CA10: variants seen among roughly 807,000 people sequenced by gnomAD.
The protein encoded by CA10 is carbonic anhydrase-related protein 10.
A neutral mutation model predicts 44.2 loss-of-function variants in CA10; 14 were observed. That is an observed-to-expected ratio of 0.32 (90% CI 0.21 to 0.50). The LOEUF is 0.50. Among genes scored for constraint, CA10 ranks in the 20% least tolerant of loss-of-function variants. CA10 has a pLI of 0.99. For synonymous variants in CA10, 159 were observed against 141.6 expected (o/e 1.12, Z -0.87); for missense variants, 350 against 409.7 (o/e 0.85, Z 1.26).
intron 3 of CA10, among the ~76,000 whole-genome samples, chr17:51,866,629 C>G (rs1315754780): frequency 1.3e-5 from 2 of 152,166 alleles, no homozygotes; most frequent in African/African-American, 2.4e-5. Flanking sequence ...AACTAACACT[C>G]AAGATACCCG....
chr17:51,869,120 A>G (rs1979691395), intron 3 of CA10, among the ~76,000 whole-genome samples: 1 of 152,154 alleles, frequency 6.6e-6, no homozygotes, highest in Non-Finnish European at 1.5e-5. Flanking sequence ...GGGAAAAGTC[A>G]AACTCCAATA....
At chr17:51,993,725 C>T (rs1285214112) in intron 2 of CA10, among the ~76,000 whole-genome samples, 1 of 152,052 alleles carries the variant, frequency 6.6e-6, no homozygotes, top group Non-Finnish European at 1.5e-5. Context: ...AATTTATACA[C>T]CTCCTCTTCT....
At chr17:51,696,966 A>T (rs1915423431) in intron 4 of CA10, among the ~76,000 whole-genome samples, 1 of 152,122 alleles carries the variant, frequency 6.6e-6, no homozygotes, top group Non-Finnish European at 1.5e-5. Context: ...ATGTATATAC[A>T]TCTGTGTCTA....
intron 3 of CA10, among the ~76,000 whole-genome samples, chr17:51,758,999 C>T (rs1313777034): frequency 6.6e-6 from 1 of 152,146 alleles, no homozygotes; most frequent in African/African-American, 2.4e-5. Context: ...AACAAGCAGG[C>T]CTAATCCGTA....
At chr17:51,645,880 C>T (rs2143254776) in intron 6 of CA10, among the ~76,000 whole-genome samples, 1 of 152,308 alleles carries the variant, frequency 6.6e-6, no homozygotes, top group East Asian at 1.9e-4. Flanking sequence ...GGCCATATGG[C>T]TTGCTTTGGC....
chr17:51,827,533 A>C (rs1398033834), intron 3 of CA10, among the ~76,000 whole-genome samples: 2 of 152,232 alleles, frequency 1.3e-5, no homozygotes, highest in Non-Finnish European at 2.9e-5. Flanking sequence ...ATCTCACAGA[A>C]CTAGAGCTTT....
chr17:52,002,600 C>T (rs1321438594), intron 2 of CA10, among the ~76,000 whole-genome samples: 2 of 151,968 alleles, frequency 1.3e-5, no homozygotes, highest in Non-Finnish European at 1.5e-5. Flanking sequence ...ACTATATCTA[C>T]ACTTATTTAT....
intron 3 of CA10, among the ~76,000 whole-genome samples, chr17:51,896,417 G>C (rs1051724188): frequency 6.6e-6 from 1 of 152,026 alleles, no homozygotes; most frequent in African/African-American, 2.4e-5. Context: ...CAAAGGACAT[G>C]ATCTCATTCC....
At chr17:51,701,272 TTCTG>T (rs1361721411) in intron 4 of CA10, among the ~76,000 whole-genome samples, 1 of 152,068 alleles carries the variant, frequency 6.6e-6, no homozygotes, top group Non-Finnish European at 1.5e-5. Context: ...CATGGTTGTC[TTCTG>T]TCTGTGTCCC....
At chr17:51,995,966 A>G (rs1430358453) in intron 2 of CA10, among the ~76,000 whole-genome samples, 1 of 152,030 alleles carries the variant, frequency 6.6e-6, no homozygotes, top group Non-Finnish European at 1.5e-5. Context: ...AGAACTCACT[A>G]TTATACTGTC....
At chr17:52,066,725 T>C (rs1385745157) in intron 2 of CA10, among the ~76,000 whole-genome samples, 1 of 152,138 alleles carries the variant, frequency 6.6e-6, no homozygotes, top group East Asian at 1.9e-4. Flanking sequence ...TTAACACAGA[T>C]GAAGATAAAA....
intron 1 of CA10, among the ~76,000 whole-genome samples, chr17:52,080,408 C>A (rs1598204239): frequency 2.0e-5 from 3 of 151,468 alleles, no homozygotes; most frequent in South Asian, 4.2e-4. Context: ...GCCGAGATTG[C>A]ACCACTGCAC....
intron 3 of CA10, among the ~76,000 whole-genome samples, chr17:51,824,484 A>G (rs973306006): frequency 6.6e-6 from 1 of 152,246 alleles, no homozygotes; most frequent in African/African-American, 2.4e-5. Flanking sequence ...GCTTAAAATA[A>G]CTTGTAATGT....
chr17:51,863,588 C>G (rs762278154), intron 3 of CA10, among the ~76,000 whole-genome samples: 1 of 152,184 alleles, frequency 6.6e-6, no homozygotes, highest in Non-Finnish European at 1.5e-5. Context: ...ACTTAAGATG[C>G]CAGTCACAAG....
intron 3 of CA10, among the ~76,000 whole-genome samples, chr17:51,857,474 T>C (rs990046071): frequency 1.3e-5 from 2 of 152,176 alleles, no homozygotes; most frequent in African/African-American, 4.8e-5. Context: ...GTCATTAGCA[T>C]AGCTCCTCAA....
At chr17:51,895,065 C>A (rs896162588) in intron 3 of CA10, among the ~76,000 whole-genome samples, 1 of 152,060 alleles carries the variant, frequency 6.6e-6, no homozygotes, top group Non-Finnish European at 1.5e-5. Flanking sequence ...ATTCTCATCA[C>A]TGAGCCCATT....
chr17:51,651,045 T>C (rs1358712637), intron 5 of CA10, among the ~76,000 whole-genome samples: 3 of 152,228 alleles, frequency 2.0e-5, no homozygotes, highest in Non-Finnish European at 4.4e-5. Context: ...ATAAAACTCA[T>C]AGATAAGCAA....
intron 3 of CA10, among the ~76,000 whole-genome samples, chr17:51,753,426 T>A (rs1904960374): frequency 6.6e-6 from 1 of 152,246 alleles, no homozygotes; most frequent in South Asian, 2.1e-4. Context: ...TTTTTCATTC[T>A]GGTGACACTA....
chr17:51,936,764 G>A (rs1474104730), intron 2 of CA10, among the ~76,000 whole-genome samples: 1 of 152,122 alleles, frequency 6.6e-6, no homozygotes, highest in Non-Finnish European at 1.5e-5. Flanking sequence ...GCAGGTATCT[G>A]CCTCAGATGG....
Sources: allele counts gnomAD v4.1 joint callset (sites outside exome capture counted in the v4.1 genomes callset), GRCh38; gene constraint gnomAD v4.1.1; transcripts MANE v1.5; gene names NCBI Gene and HGNC (gene_info 2026-07-23, HGNC 2026-07-21).